The following ROBO2 variants were observed in gnomAD, a reference collection of about 807,000 sequenced individuals.
ROBO2 encodes roundabout homolog 2.
A neutral mutation model predicts 160.8 loss-of-function variants in ROBO2; 53 were observed. The observed-to-expected ratio is 0.33, with a 90% CI of 0.26 to 0.41. The LOEUF (loss-of-function observed/expected upper bound fraction) is 0.41, where lower values mean the gene tolerates loss of function less well. Ranked by LOEUF, ROBO2 falls within the 10% of genes least tolerant of loss-of-function variation. The probability of loss-of-function intolerance (pLI) is 1.00; values close to 1 mark genes in which losing one functional copy is unlikely to be tolerated. For synonymous variants in ROBO2, 664 were observed against 611.7 expected, an observed-to-expected ratio of 1.09 and a Z score of -1.26; for missense variants, 1,577 against 1,722.4, an observed-to-expected ratio of 0.92 and a Z score of 1.49.
rs753903306 is a variant in ROBO2, at chr3:77,490,099, CTTTTTT to C, written c.668-3131_668-3126del. Among the ~76,000 whole-genome samples, 7 of 126,654 alleles carry C rather than the reference CTTTTTT, an allele frequency of 5.5e-5. No individual in the cohort carries two copies. In the East Asian group the frequency reaches 1.5e-3, roughly 28 times the overall value. 83.1% of individuals were successfully genotyped at this position (126,654 alleles called of 152,430 possible). A position where few individuals can be genotyped will look rare whatever the true frequency, so the allele number is the denominator to read the frequency against. On this transcript the variant is annotated intron_variant, in intron 4 of 25. Coordinates refer to ENST00000461745, the Ensembl canonical transcript of ROBO2. ...CAATGGGCATGACTTTTGTATTTTACTTTTTTTTTTTTTTTTTTTGGGACGGAGTCT... is the reference window on the plus strand; with the variant it reads ...CAATGGGCATGACTTTTGTATTTTACTTTTTTTTTTTTTGGGACGGAGTCT...
intron 2 of ROBO2, among the ~76,000 whole-genome samples, chr3:76,762,084 T>G (rs1159123826): frequency 1.3e-5 from 2 of 151,638 alleles, no homozygotes; most frequent in Non-Finnish European, 3.0e-5. Flanking sequence ...CTTCATAATG[T>G]GGAGGAGTCC....
Position 77,389,346 on chromosome 3 carries a change from T to TA in ROBO2, c.389-88059dup, listed in dbSNP as rs902183745. On this transcript the variant is annotated intron_variant, in intron 2 of 25. Coordinates refer to ENST00000461745, the Ensembl canonical transcript of ROBO2. ...ATGTGTATTTAAATAATTTAAAATT[T>TA]AAAAAAAAATCCAGTTCCTCATTTG... Among the ~76,000 whole-genome samples the TA allele has an allele frequency of 1.2e-4, 18 of 151,586 alleles. 1 individual carries two copies. The highest frequency in any genetic ancestry group is 6.6e-5 in the Admixed American group (1 of 15,224).
At chr3:76,318,409 ATATC>A (rs1197203758) in intron 2 of ROBO2, among the ~76,000 whole-genome samples, 1 of 152,108 alleles carries the variant, frequency 6.6e-6, no homozygotes, top group Non-Finnish European at 1.5e-5. Flanking sequence ...TTGTGTGTAT[ATATC>A]TATCAGCCCC....
intron 2 of ROBO2, among the ~76,000 whole-genome samples, chr3:76,387,433 GTATT>G (rs879467068): frequency 6.6e-6 from 1 of 151,722 alleles, no homozygotes; most frequent in African/African-American, 2.4e-5. Flanking sequence ...ATAGAAACTA[GTATT>G]TATTTTTTAT....
intron 2 of ROBO2, among the ~76,000 whole-genome samples, chr3:76,258,412 T>G (rs902938545): frequency 6.6e-6 from 1 of 152,032 alleles, no homozygotes; most frequent in Non-Finnish European, 1.5e-5. Context: ...CTTACATTCT[T>G]ACATTTTAAA....
chr3:77,369,784 T>G (rs1333697831), intron 2 of ROBO2, among the ~76,000 whole-genome samples: 3 of 152,194 alleles, frequency 2.0e-5, no homozygotes, highest in Non-Finnish European at 4.4e-5. Flanking sequence ...GGTGTAGGGT[T>G]CTCTTTGTCC....
chr3:76,641,385 A>G (rs989025284), intron 2 of ROBO2, among the ~76,000 whole-genome samples: 2 of 152,148 alleles, frequency 1.3e-5, no homozygotes, highest in African/African-American at 2.4e-5. Flanking sequence ...AACAATACAC[A>G]AACTCAATAT....
chr3:77,386,930 T>G (rs2074181011), intron 2 of ROBO2, among the ~76,000 whole-genome samples: 1 of 151,974 alleles, frequency 6.6e-6, no homozygotes, highest in Non-Finnish European at 1.5e-5. Context: ...TTAGTTCTGC[T>G]TGATCAAACA....
chr3:75,925,042 T>A (rs1947231971), intron 1 of ROBO2, among the ~76,000 whole-genome samples: 1 of 151,774 alleles, frequency 6.6e-6, no homozygotes, highest in South Asian at 2.1e-4. Flanking sequence ...AAACATCGAG[T>A]AATTAAGTGT....
chr3:77,491,855 G>A (rs1461900475), intron 4 of ROBO2, among the ~76,000 whole-genome samples: 2 of 152,042 alleles, frequency 1.3e-5, no homozygotes, highest in African/African-American at 4.8e-5. Context: ...AAATTCTCTG[G>A]AGATATACAA....
intron 2 of ROBO2, among the ~76,000 whole-genome samples, chr3:76,850,896 A>G (rs369178562): frequency 2.6e-4 from 40 of 152,332 alleles, no homozygotes; most frequent in East Asian, 7.7e-4. Context: ...TGTCTCTGCA[A>G]CAAGAACACT....
At chr3:77,391,660 T>C (rs1180039332) in intron 2 of ROBO2, among the ~76,000 whole-genome samples, 1 of 152,026 alleles carries the variant, frequency 6.6e-6, no homozygotes, top group Non-Finnish European at 1.5e-5. Flanking sequence ...CAAAATAAGA[T>C]TTGGGTGGGG....
At chr3:76,205,805 C>A (rs1014102002) in intron 2 of ROBO2, among the ~76,000 whole-genome samples, 1 of 152,100 alleles carries the variant, frequency 6.6e-6, no homozygotes, top group Non-Finnish European at 1.5e-5. Context: ...CCAGTACCTC[C>A]GTTTGAGGGT....
rs1368338347 is a variant in ROBO2, at chr3:76,730,254, G to A, written c.110-367760G>A. ...TCTCCTCACCTCCTACTCCCTACCCGCTTCTCCTCACCTCCTACTCCCTAC... is the reference window on the plus strand; with the variant it reads ...TCTCCTCACCTCCTACTCCCTACCCACTTCTCCTCACCTCCTACTCCCTAC... On this transcript the variant is annotated intron_variant, in intron 2 of 26. Transcript: ENST00000487694. Among the ~76,000 whole-genome samples the A allele has an allele frequency of 1.8e-4, 14 of 77,652 alleles. No individual in the cohort carries two copies. In the East Asian group the frequency reaches 2.2e-3, roughly 12 times the overall value. The allele number at this position is 77,652 out of a possible 152,430, so 50.9% of individuals were successfully genotyped here. A position where few individuals can be genotyped will look rare whatever the true frequency, so the allele number is the denominator to read the frequency against.
chr3:76,460,444 C>T (rs918509016), intron 2 of ROBO2, among the ~76,000 whole-genome samples: 4 of 152,116 alleles, frequency 2.6e-5, no homozygotes, highest in African/African-American at 9.7e-5. Context: ...ACAAGTGGTG[C>T]TTTGTGGCTG....
At chr3:76,267,193 T>C (rs1707150411) in intron 2 of ROBO2, among the ~76,000 whole-genome samples, 1 of 152,206 alleles carries the variant, frequency 6.6e-6, no homozygotes, top group Non-Finnish European at 1.5e-5. Flanking sequence ...TACAATGCCC[T>C]ATTAGTCAAA....
chr3:75,930,337 A>G (rs1396101150), intron 1 of ROBO2, among the ~76,000 whole-genome samples: 3 of 152,066 alleles, frequency 2.0e-5, no homozygotes, highest in Non-Finnish European at 2.9e-5. Context: ...CTGCTCCCTC[A>G]CAATCCATCC....
chr3:76,396,141 A>G (rs2077434019), intron 2 of ROBO2, among the ~76,000 whole-genome samples: 1 of 152,214 alleles, frequency 6.6e-6, no homozygotes, highest in African/African-American at 2.4e-5. Context: ...AGTGGGCTTC[A>G]TCCCTGGGAT....
rs1179679926 is a variant in ROBO2, at chr3:76,240,021, G to A, written c.109+302419G>A. Among the ~76,000 whole-genome samples the A allele has an allele frequency of 2.0e-5, 3 of 152,100 alleles. No individual in the cohort carries two copies. In the East Asian group the frequency reaches 5.8e-4, roughly 29 times the overall value. On this transcript the variant is annotated intron_variant, in intron 2 of 26. Transcript: ENST00000487694. The stretch of plus-strand genomic sequence containing the variant: ...AGAAAAGCAGTTGCCAAGGAGGGAG[G>A]TGGATATGGTCACAGTGTGATCAGG...
Sources: allele counts gnomAD v4.1 joint callset (sites outside exome capture counted in the v4.1 genomes callset), GRCh38; gene constraint gnomAD v4.1.1; transcripts MANE v1.5; gene names NCBI Gene and HGNC (gene_info 2026-07-23, HGNC 2026-07-21).